The following MTUS2 variants were observed in gnomAD, a reference collection of about 807,000 sequenced individuals.
MTUS2 encodes microtubule-associated tumor suppressor candidate 2.
MTUS2 carries 40 observed loss-of-function variants against 114.1 expected under a neutral mutation model. The observed-to-expected ratio is 0.35, with a 90% confidence interval of 0.27 to 0.46. The LOEUF (loss-of-function observed/expected upper bound fraction) is 0.46. Ranked by LOEUF, MTUS2 falls within the 20% of genes least tolerant of loss-of-function variation. The pLI, the probability that MTUS2 is intolerant of heterozygous loss-of-function variation, is 1.00. For synonymous variants in MTUS2, 688 were observed against 672.0 expected, an observed-to-expected ratio of 1.02 and a Z score of -0.37; for missense variants, 1,679 against 1,705.4, an observed-to-expected ratio of 0.98 and a Z score of 0.27.
intron 4 of MTUS2, among the ~76,000 whole-genome samples, chr13:29,057,649 G>A (rs536449425): frequency 1.3e-5 from 2 of 152,152 alleles, no homozygotes; most frequent in South Asian, 4.2e-4. Flanking sequence ...TCTTTGCTTG[G>A]TAGATTTTTC....
chr13:29,390,996 T>G (rs1027190198), intron 8 of MTUS2, among the ~76,000 whole-genome samples: 1 of 152,106 alleles, frequency 6.6e-6, no homozygotes, highest in Non-Finnish European at 1.5e-5. Flanking sequence ...TTGGTCGGGC[T>G]GGTCTCGAAC....
At chr13:29,448,257 C>T (rs1198713730) in intron 9 of MTUS2, among the ~76,000 whole-genome samples, 1 of 152,172 alleles carries the variant, frequency 6.6e-6, no homozygotes, top group African/African-American at 2.4e-5. Context: ...AACCCTGCTG[C>T]CCTGCCAGCC....
intron 6 of MTUS2, among the ~76,000 whole-genome samples, chr13:29,286,472 A>G (rs757335088): frequency 1.3e-4 from 20 of 152,222 alleles, no homozygotes; most frequent in Non-Finnish European, 2.6e-4. Flanking sequence ...AAAGAGTTAT[A>G]TAATAGCATG....
chr13:29,090,282 G>A (rs190355831), intron 4 of MTUS2, among the ~76,000 whole-genome samples: 3 of 152,312 alleles, frequency 2.0e-5, no homozygotes, highest in Admixed American at 1.3e-4. Flanking sequence ...GGCCCCTTGA[G>A]GTCAGGCATC....
intron 2 of MTUS2, among the ~76,000 whole-genome samples, chr13:29,017,152 A>G (rs191363355): frequency 4.6e-4 from 70 of 152,362 alleles, no homozygotes; most frequent in African/African-American, 1.5e-3. Context: ...GCAAAACACT[A>G]TAGGCACCAA....
chr13:29,472,873 T>C (rs1254650541), intron 9 of MTUS2, among the ~76,000 whole-genome samples: 1 of 152,232 alleles, frequency 6.6e-6, no homozygotes, highest in African/African-American at 2.4e-5. Flanking sequence ...TTCACACCAC[T>C]GAAATGCTAT....
At chr13:28,989,570 C>A (rs539000653) in intron 2 of MTUS2, among the ~76,000 whole-genome samples, 1 of 152,292 alleles carries the variant, frequency 6.6e-6, no homozygotes, top group African/African-American at 2.4e-5. Flanking sequence ...GTCTATGAAT[C>A]TGGGTCACAG....
intron 3 of MTUS2, among the ~76,000 whole-genome samples, chr13:29,032,596 C>A (rs1007355333): frequency 2.6e-5 from 4 of 152,214 alleles, no homozygotes; most frequent in African/African-American, 9.6e-5. Flanking sequence ...TAGCCAAGGA[C>A]TATCTACTAT....
intron 4 of MTUS2, among the ~76,000 whole-genome samples, chr13:29,040,955 GTTGAA>G (rs753940715): frequency 5.5e-4 from 84 of 152,166 alleles, no homozygotes; most frequent in Non-Finnish European, 9.6e-4. Flanking sequence ...AAGCTTTTTA[GTTGAA>G]TTAAGTCCCA....
chr13:29,247,699 G>C (rs1162196354), intron 5 of MTUS2, among the ~76,000 whole-genome samples: 1 of 152,096 alleles, frequency 6.6e-6, no homozygotes, highest in Non-Finnish European at 1.5e-5. Context: ...ACTACAATGT[G>C]ATACCGCCAT....
At chr13:29,441,026 T>C (rs1172455519) in intron 9 of MTUS2, among the ~76,000 whole-genome samples, 1 of 152,218 alleles carries the variant, frequency 6.6e-6, no homozygotes, top group African/African-American at 2.4e-5. Flanking sequence ...TTCTGTGACT[T>C]CTTTTAACAT....
chr13:29,169,458 G>A (rs2987341), intron 5 of MTUS2, among the ~76,000 whole-genome samples: 147,858 of 152,296 alleles, frequency 0.97, 71,851 homozygotes, highest in Non-Finnish European at 1. Context: ...TGGTGCTTGC[G>A]GCAGTGAGCT....
At chr13:29,277,663 A>C (rs1156635169) in intron 5 of MTUS2, among the ~76,000 whole-genome samples, 4 of 152,198 alleles carry the variant, frequency 2.6e-5, no homozygotes, top group Admixed American at 2.0e-4. Flanking sequence ...CTGGACATAA[A>C]CTAAAGTACA....
At chr13:29,304,612 A>G (rs1392127084) in intron 6 of MTUS2, among the ~76,000 whole-genome samples, 1 of 152,236 alleles carries the variant, frequency 6.6e-6, no homozygotes, top group African/African-American at 2.4e-5. Context: ...TATGCACCCA[A>G]TACATAAGCA....
At chr13:28,965,024 C>A (rs1593339603) in intron 2 of MTUS2, among the ~76,000 whole-genome samples, 1 of 152,098 alleles carries the variant, frequency 6.6e-6, no homozygotes, top group African/African-American at 2.4e-5. Flanking sequence ...ATTGCAATCA[C>A]CCCATGGCAT....
rs1054317581 is a variant in MTUS2 at position 29,503,476 on chromosome 13, T to C, written c.*270T>C. On this transcript the variant is annotated 3_prime_UTR_variant, in exon 16 of 16. Coordinates refer to ENST00000612955, the MANE Select transcript of MTUS2 (RefSeq NM_001033602.4). The stretch of plus-strand genomic sequence containing the variant: ...GCAATTGTTCTTGAGCAATGAACTT[T>C]CACTGCAGAATTTCAGGTTAGTTAC... 5.0e-5 allele frequency: 28 copies of C among 563,666 alleles called. No homozygotes were observed. The African/African-American group carries it at 5.2e-4, about 11-fold the overall frequency. 34.9% of individuals were successfully genotyped at this position (563,666 alleles called of 1,614,324 possible).
intron 4 of MTUS2, among the ~76,000 whole-genome samples, chr13:29,059,228 A>ATTTTTTTTTTTTTT (rs35369352): frequency 6.2e-5 from 6 of 97,138 alleles, no homozygotes; most frequent in African/African-American, 7.9e-5. Context: ...TATTCTTTGG[A>ATTTTTTTTTTTTTT]TTTTTTTTTT....
At chr13:29,118,026 G>A (rs1891161454) in intron 5 of MTUS2, among the ~76,000 whole-genome samples, 3 of 152,120 alleles carry the variant, frequency 2.0e-5, no homozygotes, top group South Asian at 2.1e-4. Flanking sequence ...TGCACCAGTG[G>A]CTTTGAAGGT....
intron 8 of MTUS2, among the ~76,000 whole-genome samples, chr13:29,416,985 T>C (rs74042055): frequency 0.01 from 1,534 of 152,318 alleles, 27 homozygotes; most frequent in African/African-American, 0.035. Flanking sequence ...ATTATAGTTT[T>C]AAGCATTTGT....
Sources: gnomAD v4.1 joint callset for allele counts (sites outside exome capture counted in the v4.1 genomes callset) on GRCh38, gnomAD v4.1.1 for gene constraint, MANE v1.5 for transcripts, NCBI Gene and HGNC (gene_info 2026-07-23, HGNC 2026-07-21) for gene names.